SCARB2: variants seen among roughly 807,000 people sequenced by gnomAD.
SCARB2 encodes scavenger receptor class B member 2.
A neutral mutation model predicts 58.6 loss-of-function variants in SCARB2; 29 were observed. That is an observed-to-expected ratio of 0.49 (90% CI 0.37 to 0.67). The LOEUF is 0.67. SCARB2 is among the 30% of genes least tolerant of loss of function. SCARB2 has a pLI of 0.00. For synonymous variants in SCARB2, 195 were observed against 210.1 expected, an observed-to-expected ratio of 0.93 and a Z score of 0.62; for missense variants, 488 against 578.5, an observed-to-expected ratio of 0.84 and a Z score of 1.60.
chr4:76,163,020 T>TA (rs1731930100), intron 11 of SCARB2: 13 of 640,386 alleles, frequency 2.0e-5, no homozygotes, highest in Non-Finnish European at 3.0e-5. Context: ...TATTAGATGG[T>TA]ACCTTCTAAC....
intron 1 of SCARB2, among the ~76,000 whole-genome samples, chr4:76,206,008 T>C (rs901131655): frequency 5.3e-5 from 8 of 152,174 alleles, no homozygotes; most frequent in Non-Finnish European, 1.0e-4. Context: ...TTGATATCCT[T>C]ACCCCCAAGG....
chr4:76,179,998 C>T (rs1388608693), intron 3 of SCARB2: 2 of 428,490 alleles, frequency 4.7e-6, no homozygotes, highest in African/African-American at 2.0e-5. Context: ...AACATGTGGG[C>T]ATCTTTGGCC....
chr4:76,215,210 G>A (rs748198155), upstream of SCARB2, among the ~76,000 whole-genome samples: 7 of 152,216 alleles, frequency 4.6e-5, no homozygotes, highest in Non-Finnish European at 8.8e-5. Context: ...TATCTACACT[G>A]CAAGATCCAA....
intron 2 of SCARB2, among the ~76,000 whole-genome samples, chr4:76,185,836 G>A (rs1469165081): frequency 6.6e-6 from 1 of 152,188 alleles, no homozygotes; most frequent in Non-Finnish European, 1.5e-5. Context: ...GGCTGGTAGG[G>A]TTAACATTCA....
Position 76,213,595 on chromosome 4 carries a change from T to A in SCARB2, c.-52A>T. ...GGGCCGCACCCGCCAGGGATCCAAC[T>A]GCAAGGAGGGAGGAGCCGCCGCAGA... On this transcript the variant is annotated 5_prime_UTR_variant, in exon 1 of 12. Transcript: ENST00000264896. 1.4e-6 allele frequency: 2 copies of A among 1,478,098 alleles called. No individual in the cohort carries two copies. Among genetic ancestry groups the A allele is most frequent in the Non-Finnish European group, 1.9e-6 (2 of 1,063,236 alleles). The allele number at this position is 1,478,098 out of a possible 1,614,324, so 91.6% of individuals were successfully genotyped here.
At position 76,166,238 on chromosome 4, in the gene SCARB2, C is replaced by A. The variant is rs755348613; in HGVS notation, c.1239+12G>T. 1 of 1,614,054 alleles carries A rather than the reference C, an allele frequency of 6.2e-7. No homozygotes were observed. The highest frequency in any genetic ancestry group is 2.2e-5 in the East Asian group (1 of 44,874). The stretch of plus-strand genomic sequence containing the variant: ...TGAAAACACCCGTGGCTCCCTCCGT[C>A]TCAGGACTTACCTCATTGAGGTACA... On this transcript the variant is annotated intron_variant, in intron 10 of 11. Coordinates refer to ENST00000264896, the MANE Select transcript of SCARB2 (RefSeq NM_005506.4).
intron 9 of SCARB2, 134 bp from the exon 10 acceptor site, chr4:76,166,435 T>TTC (rs1294443079): frequency 3.0e-5 from 28 of 924,614 alleles, no homozygotes; most frequent in Non-Finnish European, 4.9e-5. Context: ...GATTTCTTAG[T>TTC]TATCTTTGCA....
chr4:76,220,346 G>T (rs888175524), intron 1 of SCARB2, among the ~76,000 whole-genome samples: 1 of 152,190 alleles, frequency 6.6e-6, no homozygotes, highest in Non-Finnish European at 1.5e-5. Context: ...AAAGAAATAG[G>T]CTGGGTGTGG....
chr4:76,202,092 G>A (rs113323688), intron 1 of SCARB2, among the ~76,000 whole-genome samples: 13 of 152,244 alleles, frequency 8.5e-5, no homozygotes, highest in African/African-American at 3.1e-4. Flanking sequence ...AAAATACCTA[G>A]ATATTATGAT....
intron 1 of SCARB2, among the ~76,000 whole-genome samples, chr4:76,228,673 G>C (rs546827135): frequency 5.3e-5 from 8 of 152,240 alleles, no homozygotes; most frequent in Admixed American, 3.9e-4. Context: ...GCTAAAGATA[G>C]TACCCCAATC....
chr4:76,189,622 C>G (rs1732561512), intron 2 of SCARB2, among the ~76,000 whole-genome samples: 2 of 151,836 alleles, frequency 1.3e-5, no homozygotes, highest in African/African-American at 2.4e-5. Flanking sequence ...CCACCACACC[C>G]AGCTAATTTT....
chr4:76,167,230 G>A (rs935410043), intron 9 of SCARB2, among the ~76,000 whole-genome samples: 1 of 152,180 alleles, frequency 6.6e-6, no homozygotes, highest in Non-Finnish European at 1.5e-5. Flanking sequence ...AATAGAGAGA[G>A]AGGAAGAGGA....
chr4:76,174,362 A>G, intron 6 of SCARB2, 49 bp from the exon 7 acceptor site: 5 of 1,582,838 alleles, frequency 3.2e-6, no homozygotes, highest in Non-Finnish European at 4.3e-6. Flanking sequence ...GGTCAGTGTA[A>G]TCTGCCCGAA....
chr4:76,229,865 G>A (rs1339486049), intron 1 of SCARB2, among the ~76,000 whole-genome samples: 2 of 152,186 alleles, frequency 1.3e-5, no homozygotes, highest in Admixed American at 6.5e-5. Flanking sequence ...CATCTGGTTA[G>A]CCATGATGTT....
chr4:76,166,042 G>T, intron 10 of SCARB2: 1 of 636,976 alleles, frequency 1.6e-6, no homozygotes, highest in South Asian at 1.9e-5. Flanking sequence ...TCTTGAGAAG[G>T]AAAATTTCTT....
intron 1 of SCARB2, among the ~76,000 whole-genome samples, chr4:76,200,537 G>A (rs1015141223): frequency 2.6e-5 from 4 of 152,150 alleles, no homozygotes; most frequent in South Asian, 2.1e-4. Context: ...CTATGTGCCC[G>A]GACTATGCCC....
chr4:76,187,329 A>T (rs1187171222), intron 2 of SCARB2, among the ~76,000 whole-genome samples: 1 of 152,218 alleles, frequency 6.6e-6, no homozygotes, highest in Non-Finnish European at 1.5e-5. Context: ...AGGTTCACAG[A>T]GTGCCATGAA....
At chr4:76,228,711 G>A (rs1377211047) in intron 1 of SCARB2, among the ~76,000 whole-genome samples, 2 of 151,188 alleles carry the variant, frequency 1.3e-5, no homozygotes, top group African/African-American at 4.9e-5. Flanking sequence ...ATTCTGTTGA[G>A]AAACCTGCTA....
In SCARB2 at chr4:76,158,943, C is replaced by T. The variant is rs898886910; in HGVS notation, c.*2770G>A. On this transcript the variant is annotated 3_prime_UTR_variant, in exon 12 of 12. Transcript: ENST00000264896. ...ACCACCTTTTGCAGAACTCATATCTCGAGCAGTTTAAATTAAAAATTAGCC... is the reference window on the plus strand; with the variant it reads ...ACCACCTTTTGCAGAACTCATATCTTGAGCAGTTTAAATTAAAAATTAGCC... 9 of 152,176 alleles carry T rather than the reference C, an allele frequency of 5.9e-5. No individual in the cohort carries two copies. Among genetic ancestry groups the T allele is most frequent in the African/African-American group, 1.9e-4 (8 of 41,442 alleles). The allele number at this position is 152,176 out of a possible 1,614,324, so 9.4% of individuals were successfully genotyped here. A position where few individuals can be genotyped will look rare whatever the true frequency, so the allele number is the denominator to read the frequency against.
Sources: allele counts gnomAD v4.1 joint callset (sites outside exome capture counted in the v4.1 genomes callset), GRCh38; gene constraint gnomAD v4.1.1; transcripts MANE v1.5; gene names NCBI Gene and HGNC (gene_info 2026-07-23, HGNC 2026-07-21).